PIK3CB: variants seen among roughly 807,000 people sequenced by gnomAD.
PIK3CB encodes phosphatidylinositol-4,5-bisphosphate 3-kinase catalytic subunit beta.
In PIK3CB, 39 loss-of-function variants were observed where a neutral mutation model predicts 136.8. That is an observed-to-expected ratio of 0.29 (90% CI 0.22 to 0.37). The LOEUF is 0.37. PIK3CB is among the 10% of genes least tolerant of loss of function. The pLI is 1.00. For synonymous variants in PIK3CB, 428 were observed against 436.6 expected, an observed-to-expected ratio of 0.98 and a Z score of 0.25; for missense variants, 868 against 1,275.4, an observed-to-expected ratio of 0.68 and a Z score of 4.87.
chr3:138,795,287 T>G (rs1389906847), intron 2 of PIK3CB, among the ~76,000 whole-genome samples: 1 of 135,326 alleles, frequency 7.4e-6, no homozygotes, highest in East Asian at 2.2e-4. Context: ...ACCACAGCAC[T>G]CCAGCCTGGG....
intron 2 of PIK3CB, among the ~76,000 whole-genome samples, chr3:138,765,845 C>T (rs563662594): frequency 2.3e-4 from 35 of 151,924 alleles, no homozygotes; most frequent in East Asian, 7.7e-4. Context: ...CAGAGTGAGA[C>T]GGAAGGAAGA....
At chr3:138,712,080 A>G in intron 10 of PIK3CB, 128 bp downstream of exon 10, 1 of 460,172 alleles carries the variant, frequency 2.2e-6, no homozygotes, top group Middle Eastern at 5.6e-4. Context: ...AATCTATTTT[A>G]GAATAAATAA....
intron 1 of PIK3CB, among the ~76,000 whole-genome samples, chr3:138,807,277 T>C (rs547057735): frequency 6.6e-6 from 1 of 152,038 alleles, no homozygotes; most frequent in South Asian, 2.1e-4. Context: ...CTACAAAATA[T>C]AGAAAAATTA....
At chr3:138,788,964 C>CAAAAAAAAAAAAAAAA (rs57432821) in intron 2 of PIK3CB, among the ~76,000 whole-genome samples, 16 of 89,480 alleles carry the variant, frequency 1.8e-4, no homozygotes, top group African/African-American at 5.1e-4. Context: ...GACTTCGTCT[C>CAAAAAAAAAAAAAAAA]AAAAAAAAAA....
At chr3:138,714,778 T>A (rs927771373) in intron 8 of PIK3CB, 59 bp from the exon 9 acceptor site, 2 of 1,398,924 alleles carry the variant, frequency 1.4e-6, no homozygotes, top group Non-Finnish European at 1.9e-6. Flanking sequence ...ACGAAAAACA[T>A]CTCTTTTTGT....
chr3:138,738,465 C>T (rs927151102), intron 5 of PIK3CB, among the ~76,000 whole-genome samples: 1 of 152,090 alleles, frequency 6.6e-6, no homozygotes, highest in Non-Finnish European at 1.5e-5. Flanking sequence ...GCCACCATGC[C>T]CGGCCACATA....
intron 1 of PIK3CB, among the ~76,000 whole-genome samples, chr3:138,812,371 G>C (rs1933112251): frequency 6.6e-6 from 1 of 151,708 alleles, no homozygotes; most frequent in African/African-American, 2.4e-5. Context: ...CAAGTAGCTG[G>C]GACTACAGGC....
At chr3:138,727,841 T>C (rs1422476205) in intron 8 of PIK3CB, among the ~76,000 whole-genome samples, 1 of 152,150 alleles carries the variant, frequency 6.6e-6, no homozygotes, top group African/African-American at 2.4e-5. Context: ...TTTGAATTTC[T>C]TTCTTTTTTT....
Position 138,759,170 on chromosome 3 carries a change from T to C in PIK3CB, c.171+3A>G, listed in dbSNP as rs750589270. 5.7e-6 allele frequency: 9 copies of C among 1,591,086 alleles called. No homozygotes were observed. The highest frequency in any genetic ancestry group is 4.3e-6 in the Non-Finnish European group (5 of 1,160,960). On this transcript the variant is annotated splice_donor_region_variant and intron_variant, in intron 3 of 23. Coordinates refer to ENST00000674063, the MANE Select transcript of PIK3CB (RefSeq NM_006219.3). ...CACATAGAAATTATACCTATTAACA[T>C]ACCTGCTTAATATAAGAAATGGTAG...
intron 4 of PIK3CB, among the ~76,000 whole-genome samples, chr3:138,745,420 G>A (rs372090913): frequency 6.6e-6 from 1 of 152,210 alleles, no homozygotes; most frequent in South Asian, 2.1e-4. Context: ...ATCACTTGAG[G>A]TCAGGAGTTC....
intron 8 of PIK3CB, among the ~76,000 whole-genome samples, chr3:138,730,152 C>T (rs902229582): frequency 3.3e-5 from 5 of 152,092 alleles, no homozygotes; most frequent in South Asian, 4.1e-4. Context: ...GTGCTAGGTA[C>T]GGTGGGGTGA....
At chr3:138,818,942 C>T (rs759162140) in intron 1 of PIK3CB, among the ~76,000 whole-genome samples, 12 of 152,090 alleles carry the variant, frequency 7.9e-5, no homozygotes, top group South Asian at 6.2e-4. Context: ...TGCTCTGGTA[C>T]GACTACATTA....
intron 2 of PIK3CB, among the ~76,000 whole-genome samples, chr3:138,777,014 G>A (rs2045867047): frequency 6.6e-6 from 1 of 151,750 alleles, no homozygotes; most frequent in Non-Finnish European, 1.5e-5. Flanking sequence ...CAACAGCACT[G>A]CTGTCACAAC....
At chr3:138,663,849 C>CTA in intron 21 of PIK3CB, 57 bp downstream of exon 21, 2 of 1,560,954 alleles carry the variant, frequency 1.3e-6, no homozygotes, top group Non-Finnish European at 1.7e-6. Flanking sequence ...AGAGATTATG[C>CTA]TATACATAAG....
intron 1 of PIK3CB, among the ~76,000 whole-genome samples, chr3:138,804,126 C>T (rs1323869066): frequency 2.0e-5 from 3 of 152,070 alleles, no homozygotes; most frequent in East Asian, 3.9e-4. Context: ...GACAACATAG[C>T]AAGAATCCAT....
In PIK3CB at chr3:138,711,582, A is replaced by C. The variant is rs1433760933; in HGVS notation, c.1399+626T>G. ...CAACAAGAGCGAAACTCCGTCGCAA[A>C]AAAAAAAAAAAAAAAAAAAAGAAGT... On this transcript the variant is annotated intron_variant, in intron 10 of 23. Transcript: ENST00000674063. Among the ~76,000 whole-genome samples the C allele has an allele frequency of 2.0e-4, 9 of 46,082 alleles. No individual in the cohort carries two copies. The Admixed American group carries it at 2.0e-3, about 10-fold the overall frequency. 30.2% of individuals were successfully genotyped at this position (46,082 alleles called of 152,430 possible).
chr3:138,675,499 G>A (rs1210367231), intron 19 of PIK3CB, among the ~76,000 whole-genome samples: 1 of 152,094 alleles, frequency 6.6e-6, no homozygotes, highest in Non-Finnish European at 1.5e-5. Context: ...TCTAATAGAA[G>A]TAGGCATATT....
At chr3:138,686,783 T>A (rs557638915) in intron 16 of PIK3CB, among the ~76,000 whole-genome samples, 2 of 152,160 alleles carry the variant, frequency 1.3e-5, no homozygotes, top group Non-Finnish European at 2.9e-5. Flanking sequence ...GGGAGATGAA[T>A]TCAAGCATGC....
intron 17 of PIK3CB, 147 bp from the exon 18 acceptor site, chr3:138,683,934 T>C: frequency 1.7e-6 from 1 of 582,754 alleles, no homozygotes. Flanking sequence ...TCCCACTTGG[T>C]AGAAAAGCAA....
Sources: gnomAD v4.1 joint callset for allele counts (sites outside exome capture counted in the v4.1 genomes callset) on GRCh38, gnomAD v4.1.1 for gene constraint, MANE v1.5 for transcripts, NCBI Gene and HGNC (gene_info 2026-07-23, HGNC 2026-07-21) for gene names.